ANP32A: variants seen among roughly 807,000 people sequenced by gnomAD.
ANP32A encodes the protein acidic nuclear phosphoprotein 32 family member A.
Under a neutral mutation model 33.9 loss-of-function variants are expected in ANP32A, and 1 was observed. The observed-to-expected ratio is 0.03, with a 90% CI of 0.01 to 0.14. The LOEUF (loss-of-function observed/expected upper bound fraction) is 0.14, where lower values mean the gene tolerates loss of function less well. Among genes scored for constraint, ANP32A ranks in the 10% least tolerant of loss-of-function variants. The pLI is 1.00. For missense variants in ANP32A, 155 were observed against 306.0 expected, an observed-to-expected ratio of 0.51 and a Z score of 3.68; for synonymous variants, 115 against 120.5, an observed-to-expected ratio of 0.95 and a Z score of 0.30.
In ANP32A at chr15:68,779,850, A is replaced by C; in HGVS notation, c.*231T>G. 1 of 531,344 alleles carries C rather than the reference A, an allele frequency of 1.9e-6. No homozygotes were observed. The highest frequency in any genetic ancestry group is 3.3e-6 in the Non-Finnish European group (1 of 300,226). 32.9% of individuals were successfully genotyped at this position (531,344 alleles called of 1,614,324 possible). ...GGGACAAAAACCGGACACAAAGAAA[A>C]AGTAGGGGAAAAAAATAAAGAGTGG... On this transcript the variant is annotated 3_prime_UTR_variant, in exon 7 of 7. Transcript: ENST00000465139.
intron 1 of ANP32A, among the ~76,000 whole-genome samples, chr15:68,800,211 TCTTTCTTC>T (rs1195543534): frequency 7.9e-5 from 12 of 152,286 alleles, no homozygotes; most frequent in Non-Finnish European, 5.9e-5. Context: ...ATGATTTGAT[TCTTTCTTC>T]TTAAGCATTA....
intron 1 of ANP32A, among the ~76,000 whole-genome samples, chr15:68,804,950 G>A (rs28654114): frequency 6.6e-6 from 1 of 152,224 alleles, no homozygotes; most frequent in Non-Finnish European, 1.5e-5. Flanking sequence ...AATTGATGTA[G>A]GATTCCTGCT....
intron 1 of ANP32A, among the ~76,000 whole-genome samples, chr15:68,819,226 G>T (rs1894436554): frequency 6.6e-6 from 1 of 152,136 alleles, no homozygotes; most frequent in Non-Finnish European, 1.5e-5. Flanking sequence ...CCGAGACTGG[G>T]GGCGTCCTCC....
chr15:68,807,440 G>A (rs1894249298), intron 1 of ANP32A, among the ~76,000 whole-genome samples: 1 of 136,150 alleles, frequency 7.3e-6, no homozygotes, highest in Non-Finnish European at 1.7e-5. Context: ...GGGGGGGGGA[G>A]TCTCTCCTTT....
In ANP32A at chr15:68,782,943, C is replaced by G. The variant is rs1893888201; in HGVS notation, c.624+13G>C. The stretch of plus-strand genomic sequence containing the variant: ...GGGGCAGACGGTGGCCCTGCCCAGC[C>G]CAGCCTCCTTACCTCCTCCTCTCCA... On this transcript the variant is annotated intron_variant, in intron 5 of 6. Coordinates refer to ENST00000465139, the MANE Select transcript of ANP32A (RefSeq NM_006305.4). 2 of 1,551,598 alleles carry G rather than the reference C, an allele frequency of 1.3e-6. No homozygotes were observed. Among genetic ancestry groups the G allele is most frequent in the Non-Finnish European group, 1.7e-6 (2 of 1,146,916 alleles).
At chr15:68,817,959 G>A (rs1367306919) in intron 1 of ANP32A, among the ~76,000 whole-genome samples, 1 of 152,242 alleles carries the variant, frequency 6.6e-6, no homozygotes, top group Non-Finnish European at 1.5e-5. Flanking sequence ...AGGCGCGCAG[G>A]GCCCTGGAGG....
chr15:68,820,151 C>T (rs1350361908), intron 1 of ANP32A, among the ~76,000 whole-genome samples: 2 of 152,120 alleles, frequency 1.3e-5, no homozygotes, highest in Non-Finnish European at 2.9e-5. Flanking sequence ...AGAAACTAAA[C>T]CGGACTCGCG....
In ANP32A at chr15:68,794,345, G is replaced by T. The variant is rs142036282; in HGVS notation, c.55-6426C>A. Among the ~76,000 whole-genome samples, 4 of 152,270 alleles carry T rather than the reference G, an allele frequency of 2.6e-5. No individual in the cohort carries two copies. The East Asian group carries it at 5.8e-4, about 22-fold the overall frequency. ...GGTGTGCTTAAAACCGACCCCTTTG[G>T]ATTTTTACATCCACACCTTGTTTTG... On this transcript the variant is annotated intron_variant, in intron 1 of 6. Coordinates refer to ENST00000465139, the MANE Select transcript of ANP32A (RefSeq NM_006305.4).
At chr15:68,810,886 C>A (rs1005202306) in intron 1 of ANP32A, among the ~76,000 whole-genome samples, 17 of 151,852 alleles carry the variant, frequency 1.1e-4, no homozygotes, top group Non-Finnish European at 1.9e-4. Flanking sequence ...ATGGTGAAAC[C>A]CCTTCTCTAC....
intron 1 of ANP32A, chr15:68,789,691 A>G (rs988794780): frequency 6.6e-6 from 1 of 152,570 alleles, no homozygotes; most frequent in African/African-American, 2.4e-5. Flanking sequence ...CCCTGCCTTC[A>G]TTCTTCACTG....
rs377739961 is a variant in ANP32A, at chr15:68,784,433, C to T, written c.490G>A (p.Val164Met). The T allele has an allele frequency of 1.7e-5, 28 of 1,614,046 alleles. No homozygotes were observed. Among genetic ancestry groups the T allele is most frequent in the South Asian group, 6.6e-5 (6 of 91,084 alleles). ...EAPDSDAEGY[V>M]EGLDDEEEDE... The stretch of plus-strand genomic sequence containing the variant: ...TCCTCCTCATCATCCAGGCCCTCCA[C>T]GTAGCCCTCAGCATCCGAGTCAGGG... The change falls in exon 4 of 7, where the codon GTG (valine) becomes ATG (methionine). Residue 164 changes from valine to methionine, a missense_variant. Physicochemically the swap from Val to Met is conservative, Grantham distance 21. Coordinates refer to ENST00000465139, the MANE Select transcript of ANP32A (RefSeq NM_006305.4).
intron 1 of ANP32A, 149 bp from the exon 2 acceptor site, chr15:68,788,068 C>G: frequency 9.7e-7 from 1 of 1,026,774 alleles, no homozygotes. Context: ...GATCACTGTG[C>G]TGCCAACGAC....
At position 68,820,839 on chromosome 15, in the gene ANP32A, T is replaced by A; in HGVS notation, c.-88A>T. On this transcript the variant is annotated 5_prime_UTR_variant, in exon 1 of 7. Coordinates refer to ENST00000465139, the MANE Select transcript of ANP32A (RefSeq NM_006305.4). ...CCCACGGCCGCGCGTTTTAGGACTT[T>A]GAAGGCTCAACCAGCTCCGCTCGGT... 1.3e-6 allele frequency: 2 copies of A among 1,520,072 alleles called. No individual in the cohort carries two copies. The highest frequency in any genetic ancestry group is 1.8e-6 in the Non-Finnish European group (2 of 1,101,004). 94.2% of individuals were successfully genotyped at this position (1,520,072 alleles called of 1,614,324 possible).
intron 5 of ANP32A, among the ~76,000 whole-genome samples, chr15:68,781,868 T>C (rs1248522935): frequency 6.6e-6 from 1 of 152,158 alleles, no homozygotes; most frequent in Non-Finnish European, 1.5e-5. Context: ...CCTCCCAAAG[T>C]GCTAGGATTA....
At chr15:68,819,402 G>A (rs975227239) in intron 1 of ANP32A, among the ~76,000 whole-genome samples, 3 of 152,194 alleles carry the variant, frequency 2.0e-5, no homozygotes, top group Non-Finnish European at 2.9e-5. Context: ...CCTCCTCAGG[G>A]GTAAGCTTTC....
In ANP32A at chr15:68,780,737, G is replaced by T; in HGVS notation, c.625-264C>A. 2.3e-6 allele frequency: 1 copy of T among 429,270 alleles called. No homozygotes were observed. The highest frequency in any genetic ancestry group is 4.0e-6 in the Non-Finnish European group (1 of 251,624). 26.6% of individuals were successfully genotyped at this position (429,270 alleles called of 1,614,324 possible). A position where few individuals can be genotyped will look rare whatever the true frequency, so the allele number is the denominator to read the frequency against. ...TAATATTTGCAAGCAGTTTCAGGGGGTTATGGATTCCAGGACCCAGGTTAA... is the reference window on the plus strand; with the variant it reads ...TAATATTTGCAAGCAGTTTCAGGGGTTTATGGATTCCAGGACCCAGGTTAA... On this transcript the variant is annotated intron_variant, in intron 5 of 6. Coordinates refer to ENST00000465139, the MANE Select transcript of ANP32A (RefSeq NM_006305.4). This position sits in a 1 kb window ranked among gnomAD's most constrained non-coding sequence, Gnocchi z 4.3.
intron 1 of ANP32A, among the ~76,000 whole-genome samples, chr15:68,793,353 T>C (rs1490677893): frequency 6.6e-6 from 1 of 152,186 alleles, no homozygotes; most frequent in Non-Finnish European, 1.5e-5. Context: ...GAGTCTTTCT[T>C]GTGCCCAAGA....
At chr15:68,805,107 T>G (rs1407773455) in intron 1 of ANP32A, among the ~76,000 whole-genome samples, 2 of 152,220 alleles carry the variant, frequency 1.3e-5, no homozygotes, top group East Asian at 3.8e-4. Context: ...TGCCTCACCA[T>G]CTCTGGTCAG....
Position 68,780,114 on chromosome 15 carries a change from T to C in ANP32A, c.717A>G (p.Arg239=). Residue 239 remains arginine, a synonymous_variant, in exon 7 of 7, where the codon CGA becomes CGG. Coordinates refer to ENST00000465139, the MANE Select transcript of ANP32A (RefSeq NM_006305.4). The surrounding 1 kb of genome is among the most constrained non-coding windows in gnomAD (Gnocchi z 4.3). ...GEEERGQKRK[R]EPEDEGEDDD ...CATCTTCTCCCTCATCTTCAGGTTC[T>C]CGTTTTCGCTTCTGACCCCTTTCTT... 1 of 1,613,760 alleles carries C rather than the reference T, an allele frequency of 6.2e-7. No homozygotes were observed. Among genetic ancestry groups the C allele is most frequent in the Non-Finnish European group, 8.5e-7 (1 of 1,179,726 alleles).
Sources: allele counts gnomAD v4.1 joint callset (sites outside exome capture counted in the v4.1 genomes callset), GRCh38; gene constraint gnomAD v4.1.1; non-coding constraint Gnocchi (gnomAD v3.1); transcripts MANE v1.5; gene names NCBI Gene and HGNC (gene_info 2026-07-23, HGNC 2026-07-21).